The following SH3RF3 variants were observed in gnomAD, a reference collection of about 807,000 sequenced individuals.
SH3RF3 encodes E3 ubiquitin-protein ligase SH3RF3.
Under a neutral mutation model 66.3 loss-of-function variants are expected in SH3RF3, and 29 were observed. The ratio of observed to expected loss-of-function variants is 0.44; its 90% CI spans 0.33 to 0.60. SH3RF3 has a LOEUF of 0.60. SH3RF3 is among the 20% of genes least tolerant of loss of function. The pLI is 0.04. For synonymous variants in SH3RF3, 583 were observed against 532.0 expected (o/e 1.10, Z -1.32); for missense variants, 1,194 against 1,190.9 (o/e 1.00, Z -0.04).
At chr2:109,496,602 G>A (rs1679268637) in intron 9 of SH3RF3, among the ~76,000 whole-genome samples, 1 of 152,196 alleles carries the variant, frequency 6.6e-6, no homozygotes, top group Admixed American at 6.5e-5. Context: ...CTCCCCAGAT[G>A]TTCACATCGG....
intron 1 of SH3RF3, among the ~76,000 whole-genome samples, chr2:109,237,393 A>C (rs1432725747): frequency 1.3e-5 from 2 of 152,206 alleles, no homozygotes. Context: ...AGAGTATAAA[A>C]AAGTGCACAG....
intron 8 of SH3RF3, among the ~76,000 whole-genome samples, chr2:109,453,010 A>G (rs1173293849): frequency 1.4e-5 from 2 of 142,450 alleles, no homozygotes; most frequent in African/African-American, 2.6e-5. Flanking sequence ...TCCCCGGGAA[A>G]CTGGTCCCCG....
chr2:109,221,915 T>C (rs1679253358), intron 1 of SH3RF3, among the ~76,000 whole-genome samples: 1 of 152,158 alleles, frequency 6.6e-6, no homozygotes, highest in Non-Finnish European at 1.5e-5. Context: ...CCTGCATTTA[T>C]TGCAGCACTA....
At chr2:109,456,085 C>T (rs1419378212) in intron 8 of SH3RF3, among the ~76,000 whole-genome samples, 2 of 152,216 alleles carry the variant, frequency 1.3e-5, no homozygotes, top group African/African-American at 4.8e-5. Context: ...GGCTCCCAGG[C>T]CCACTGGGGG....
intron 1 of SH3RF3, among the ~76,000 whole-genome samples, chr2:109,272,687 C>T (rs925006281): frequency 6.6e-6 from 1 of 152,356 alleles, no homozygotes; most frequent in Admixed American, 6.5e-5. Flanking sequence ...GTCATGGAGA[C>T]AATACAGGCT....
chr2:109,255,218 T>G (rs1409711556), intron 1 of SH3RF3, among the ~76,000 whole-genome samples: 1 of 152,188 alleles, frequency 6.6e-6, no homozygotes, highest in South Asian at 2.1e-4. Context: ...GGCAACCTGT[T>G]GGGGCTTCGG....
intron 8 of SH3RF3, among the ~76,000 whole-genome samples, chr2:109,457,165 T>G (rs1057065636): frequency 1.3e-5 from 2 of 152,220 alleles, no homozygotes; most frequent in Non-Finnish European, 2.9e-5. Context: ...TTTAGTTAGT[T>G]TGACGAATGC....
intron 4 of SH3RF3, among the ~76,000 whole-genome samples, chr2:109,407,434 G>A (rs1010919675): frequency 1.3e-5 from 2 of 152,164 alleles, no homozygotes; most frequent in African/African-American, 4.8e-5. Context: ...TCTCTATGCA[G>A]CTTCCTGTGT....
chr2:109,378,584 G>C (rs942248714), intron 3 of SH3RF3, among the ~76,000 whole-genome samples: 4 of 152,166 alleles, frequency 2.6e-5, no homozygotes, highest in Non-Finnish European at 4.4e-5. Context: ...TGGACATCTT[G>C]GCATTCCTGC....
chr2:109,158,824 A>G (rs1008919491), intron 1 of SH3RF3, among the ~76,000 whole-genome samples: 1 of 152,220 alleles, frequency 6.6e-6, no homozygotes, highest in Admixed American at 6.5e-5. Flanking sequence ...CCTGGTCTAC[A>G]TGCTTTATGT....
chr2:109,252,033 G>A (rs1680105037), intron 1 of SH3RF3, among the ~76,000 whole-genome samples: 1 of 152,128 alleles, frequency 6.6e-6, no homozygotes. Context: ...GATCACTTGA[G>A]CTAAGGAGTT....
chr2:109,251,625 G>A, intron 1 of SH3RF3: 5 of 1,359,964 alleles, frequency 3.7e-6, no homozygotes, highest in Non-Finnish European at 5.3e-6. Flanking sequence ...GTATCATCAT[G>A]TTAGAAGCCT....
rs567464249 is a variant in SH3RF3, at chr2:109,142,046, G to C, written c.573+11933G>C. 1.1e-4 allele frequency among the ~76,000 whole-genome samples: 17 copies of C among 151,580 alleles called. No individual in the cohort carries two copies. The East Asian group carries it at 1.2e-3, about 10-fold the overall frequency. ...CTTCTGGGGTCCTTGAGTCTCCTGGGGGGGGGGTCTCAGGTATGTGCCTAG... is the reference window on the plus strand; with the variant it reads ...CTTCTGGGGTCCTTGAGTCTCCTGGCGGGGGGGTCTCAGGTATGTGCCTAG... On this transcript the variant is annotated intron_variant, in intron 1 of 9. Transcript: ENST00000309415.
intron 1 of SH3RF3, among the ~76,000 whole-genome samples, chr2:109,247,034 C>T (rs1679934459): frequency 6.6e-6 from 1 of 152,206 alleles, no homozygotes; most frequent in Non-Finnish European, 1.5e-5. Flanking sequence ...GATGATGTGA[C>T]ATCTTTCCTG....
Position 109,412,630 on chromosome 2 carries a change from G to A in SH3RF3, c.1300-6909G>A, listed in dbSNP as rs544070447. ...TCAGCTCCCAGGATCCCCTGACAAA[G>A]ATGGCACATGGGGGATCGAGAAAGA... On this transcript the variant is annotated intron_variant, in intron 4 of 9. Coordinates refer to ENST00000309415, the MANE Select transcript of SH3RF3 (RefSeq NM_001099289.3). Among the ~76,000 whole-genome samples the A allele has an allele frequency of 2.0e-5, 3 of 152,254 alleles. No homozygotes were observed. In the South Asian group the frequency reaches 6.2e-4, roughly 32 times the overall value.
chr2:109,460,455 T>A (rs1235882455), intron 8 of SH3RF3, among the ~76,000 whole-genome samples: 1 of 151,974 alleles, frequency 6.6e-6, no homozygotes, highest in Non-Finnish European at 1.5e-5. Context: ...CCATGGTGAG[T>A]GGAAATCCAT....
intron 1 of SH3RF3, among the ~76,000 whole-genome samples, chr2:109,164,113 G>A (rs1301312041): frequency 1.3e-5 from 2 of 152,036 alleles, no homozygotes; most frequent in Admixed American, 1.3e-4. Flanking sequence ...CTTCTCTTGT[G>A]TCTGTTAAAT....
chr2:109,226,718 C>T (rs1171502999), intron 1 of SH3RF3, among the ~76,000 whole-genome samples: 1 of 152,194 alleles, frequency 6.6e-6, no homozygotes, highest in Non-Finnish European at 1.5e-5. Context: ...GCAGGATCTC[C>T]ACGCAGAAGG....
rs542702974 is a variant in SH3RF3 at position 109,486,872 on chromosome 2, G to A, written c.2149-3733G>A. Among the ~76,000 whole-genome samples the A allele has an allele frequency of 1.3e-4, 20 of 152,260 alleles. No individual in the cohort carries two copies. In the South Asian group the frequency reaches 1.7e-3, roughly 13 times the overall value. ...ACCTTTCTCGGCAGATCTGTCTCCCGCCCAGGCCAGGATGTTTCAGAGCAA... is the reference window on the plus strand; with the variant it reads ...ACCTTTCTCGGCAGATCTGTCTCCCACCCAGGCCAGGATGTTTCAGAGCAA... On this transcript the variant is annotated intron_variant, in intron 8 of 9. Transcript: ENST00000309415.
Sources: gnomAD v4.1 joint callset for allele counts (sites outside exome capture counted in the v4.1 genomes callset) on GRCh38, gnomAD v4.1.1 for gene constraint, MANE v1.5 for transcripts, NCBI Gene and HGNC (gene_info 2026-07-23, HGNC 2026-07-21) for gene names.